The following ZNF385D variants were observed in gnomAD, a reference collection of about 807,000 sequenced individuals.
The protein encoded by ZNF385D is zinc finger protein 659.
Under a neutral mutation model 35.8 loss-of-function variants are expected in ZNF385D, and 15 were observed. That is an observed-to-expected ratio of 0.42 (90% CI 0.28 to 0.64). The LOEUF (loss-of-function observed/expected upper bound fraction) is 0.64. ZNF385D is among the 30% of genes least tolerant of loss of function. The probability of loss-of-function intolerance (pLI) is 0.23; values close to 1 mark genes in which losing one functional copy is unlikely to be tolerated. For synonymous variants in ZNF385D, 212 were observed against 186.8 expected (o/e 1.13, Z -1.10); for missense variants, 474 against 494.6 (o/e 0.96, Z 0.39).
At chr3:21,523,937 T>A (rs1178597376) in intron 3 of ZNF385D, among the ~76,000 whole-genome samples, 1 of 152,198 alleles carries the variant, frequency 6.6e-6, no homozygotes, top group Non-Finnish European at 1.5e-5. Context: ...CATCTAAGAA[T>A]TTGATTATGA....
intron 2 of ZNF385D, among the ~76,000 whole-genome samples, chr3:22,223,194 T>C (rs1698360680): frequency 6.6e-6 from 1 of 152,168 alleles, no homozygotes; most frequent in Non-Finnish European, 1.5e-5. Context: ...ATTATAAATG[T>C]GTTCAGCTCA....
rs779431532 is a variant in ZNF385D, at chr3:22,033,055, T to C, written c.325+135762A>G. 4.6e-5 allele frequency among the ~76,000 whole-genome samples: 7 copies of C among 152,230 alleles called. No individual in the cohort carries two copies. The South Asian group carries it at 1.0e-3, about 23-fold the overall frequency. On this transcript the variant is annotated intron_variant, in intron 3 of 5. Coordinates refer to the ZNF385D transcript ENST00000494108. ...GAAGACAGAATCAAGATTCCGAGAT[T>C]GAATTTCTGCCCAAGACATTTTGAT...
rs75480140 is a variant in ZNF385D at position 22,154,476 on chromosome 3, C to T, written c.325+14341G>A. 1.9e-3 allele frequency among the ~76,000 whole-genome samples: 293 copies of T among 152,318 alleles called. 3 individuals carry two copies. Among genetic ancestry groups the T allele is most frequent in the South Asian group, 9.9e-3 (48 of 4,828 alleles). On this transcript the variant is annotated intron_variant, in intron 3 of 5. Transcript: ENST00000494108. ...AGAAGAAAATCTGAATTCCTCCTCT[C>T]TGCCAGAAGGCAACTGAGGAATACT... is the stretch of plus-strand genomic sequence containing the variant.
chr3:21,852,353 C>G (rs1399405495), intron 3 of ZNF385D, among the ~76,000 whole-genome samples: 2 of 151,722 alleles, frequency 1.3e-5, no homozygotes, highest in Non-Finnish European at 2.9e-5. Flanking sequence ...TAGTACTTTC[C>G]CTCAGGACAT....
At chr3:21,557,257 A>G (rs577398660) in intron 3 of ZNF385D, among the ~76,000 whole-genome samples, 2 of 152,184 alleles carry the variant, frequency 1.3e-5, no homozygotes, top group Non-Finnish European at 2.9e-5. Flanking sequence ...TTCAAAGGGA[A>G]TGCTTCCAGT....
At chr3:22,133,312 C>G (rs948635593) in intron 3 of ZNF385D, among the ~76,000 whole-genome samples, 2 of 151,894 alleles carry the variant, frequency 1.3e-5, no homozygotes, top group African/African-American at 4.8e-5. Flanking sequence ...TTTAAAAAAG[C>G]AGTCTCCTCA....
chr3:22,314,557 A>C (rs1256499368), intron 2 of ZNF385D, among the ~76,000 whole-genome samples: 1 of 151,938 alleles, frequency 6.6e-6, no homozygotes, highest in African/African-American at 2.4e-5. Context: ...TTTTTTCCCT[A>C]ATTTTCTTCT....
At chr3:22,011,448 G>C (rs933363793) in intron 3 of ZNF385D, among the ~76,000 whole-genome samples, 1 of 152,004 alleles carries the variant, frequency 6.6e-6, no homozygotes, top group African/African-American at 2.4e-5. Flanking sequence ...GATGAGTTTG[G>C]CAGATTAAGC....
chr3:21,741,893 G>T (rs940979936), intron 1 of ZNF385D, among the ~76,000 whole-genome samples: 1 of 152,054 alleles, frequency 6.6e-6, no homozygotes, highest in Non-Finnish European at 1.5e-5. Flanking sequence ...CATTGGTATA[G>T]AAAAATGACA....
intron 3 of ZNF385D, among the ~76,000 whole-genome samples, chr3:22,030,206 C>T (rs1325256421): frequency 1.6e-5 from 2 of 128,298 alleles, no homozygotes; most frequent in African/African-American, 5.9e-5. Context: ...TTGAAGACAG[C>T]CTATTGTGGG....
At chr3:21,544,698 A>G (rs2062309624) in intron 3 of ZNF385D, among the ~76,000 whole-genome samples, 1 of 152,234 alleles carries the variant, frequency 6.6e-6, no homozygotes, top group South Asian at 2.1e-4. Flanking sequence ...CTTCGGCAAA[A>G]TTTATAAAGA....
chr3:21,750,422 C>G (rs2070009607), intron 1 of ZNF385D, among the ~76,000 whole-genome samples: 1 of 152,194 alleles, frequency 6.6e-6, no homozygotes, highest in Non-Finnish European at 1.5e-5. Context: ...GCTGCTCAAC[C>G]ACACTGCTCA....
At chr3:21,700,042 G>C (rs770953786) in intron 1 of ZNF385D, among the ~76,000 whole-genome samples, 5 of 151,996 alleles carry the variant, frequency 3.3e-5, no homozygotes, top group Non-Finnish European at 5.9e-5. Flanking sequence ...GTGTTGGCCA[G>C]GCTGGTCTCA....
rs577373119 is a variant in ZNF385D, at chr3:22,004,129, C to A, written c.325+164688G>T. On this transcript the variant is annotated intron_variant, in intron 3 of 5. Transcript: ENST00000494108. ...ATAAACCAATGGAACAGAAGAGAAC[C>A]CAGAAATAAATCCACATATTTATAG... 5.7e-4 allele frequency among the ~76,000 whole-genome samples: 86 copies of A among 152,018 alleles called. 1 individual carries two copies. The highest frequency in any genetic ancestry group is 1.0e-3 in the South Asian group (5 of 4,816).
chr3:21,729,651 G>A (rs534708180), intron 1 of ZNF385D, among the ~76,000 whole-genome samples: 229 of 152,072 alleles, frequency 1.5e-3, no homozygotes, highest in Non-Finnish European at 2.9e-3. Flanking sequence ...TTGACTAGGT[G>A]GAAAATCTGG....
chr3:21,732,607 A>G (rs982291569), intron 1 of ZNF385D, among the ~76,000 whole-genome samples: 2 of 152,070 alleles, frequency 1.3e-5, no homozygotes, highest in Non-Finnish European at 2.9e-5. Flanking sequence ...GTAATATCTC[A>G]TTGTTGTTTT....
At chr3:22,187,001 C>T (rs886095760) in intron 2 of ZNF385D, among the ~76,000 whole-genome samples, 3 of 152,174 alleles carry the variant, frequency 2.0e-5, no homozygotes, top group Non-Finnish European at 4.4e-5. Flanking sequence ...AACTGATTCA[C>T]AGCCAGCAAG....
intron 2 of ZNF385D, among the ~76,000 whole-genome samples, chr3:21,570,545 G>A (rs966960892): frequency 6.6e-6 from 1 of 152,142 alleles, no homozygotes; most frequent in African/African-American, 2.4e-5. Context: ...AGGAAGTTTA[G>A]AAGTCCAGAA....
At chr3:21,979,406 G>C (rs987448682) in intron 3 of ZNF385D, among the ~76,000 whole-genome samples, 1 of 152,176 alleles carries the variant, frequency 6.6e-6, no homozygotes, top group Non-Finnish European at 1.5e-5. Context: ...GTGTGAGATT[G>C]AGCTTTTTAT....
Sources: gnomAD v4.1 joint callset for allele counts (sites outside exome capture counted in the v4.1 genomes callset) on GRCh38, gnomAD v4.1.1 for gene constraint, MANE v1.5 for transcripts, NCBI Gene and HGNC (gene_info 2026-07-23, HGNC 2026-07-21) for gene names.